HOMER1: variants seen among roughly 807,000 people sequenced by gnomAD.
The protein encoded by HOMER1 is homer scaffold protein 1.
A neutral mutation model predicts 48.9 loss-of-function variants in HOMER1; 3 were observed. That is an observed-to-expected ratio of 0.06 (90% confidence interval 0.03 to 0.16). The LOEUF (loss-of-function observed/expected upper bound fraction) is 0.16, where lower values mean the gene tolerates loss of function less well. Among genes scored for constraint, HOMER1 ranks in the 10% least tolerant of loss-of-function variants. HOMER1 has a pLI of 1.00. For synonymous variants in HOMER1, 134 were observed against 146.4 expected, an observed-to-expected ratio of 0.92 and a Z score of 0.61; for missense variants, 247 against 411.4, an observed-to-expected ratio of 0.60 and a Z score of 3.46.
At position 79,477,169 on chromosome 5, in the gene HOMER1, T is replaced by C. The variant is rs77328060; in HGVS notation, c.6-20151A>G. ...GCCAGGAACTGTGGACAAAAAACAA[T>C]AGATATATCATAGCATCATAGCAGT... On this transcript the variant is annotated intron_variant, in intron 1 of 8. Transcript: ENST00000334082. 1.2e-4 allele frequency among the ~76,000 whole-genome samples: 18 copies of C among 152,256 alleles called. No homozygotes were observed. The East Asian group carries it at 3.3e-3, about 28-fold the overall frequency.
At chr5:79,425,292 T>G (rs1750215735) in intron 5 of HOMER1, among the ~76,000 whole-genome samples, 1 of 151,866 alleles carries the variant, frequency 6.6e-6, no homozygotes, top group Non-Finnish European at 1.5e-5. Flanking sequence ...CTTTTCTGTC[T>G]CTCAAAAATA....
At chr5:79,454,904 C>A (rs549995922) in intron 2 of HOMER1, among the ~76,000 whole-genome samples, 1 of 152,206 alleles carries the variant, frequency 6.6e-6, no homozygotes, top group African/African-American at 2.4e-5. Context: ...TTCACAACAA[C>A]CCTATGGTGG....
At chr5:79,379,784 T>C (rs1216840473) in intron 8 of HOMER1, among the ~76,000 whole-genome samples, 1 of 151,938 alleles carries the variant, frequency 6.6e-6, no homozygotes, top group Non-Finnish European at 1.5e-5. Context: ...CTTCTGCTCA[T>C]TATCATTTTG....
rs527375015 is a variant in HOMER1 at position 79,447,482 on chromosome 5, G to A, written c.295-337C>T. ...GGGGAAAGAATCAGTAAACATAAGC[G>A]TACTGTGCTATGTTTATCATTGAGA... On this transcript the variant is annotated intron_variant, in intron 3 of 8. Coordinates refer to ENST00000334082, the MANE Select transcript of HOMER1 (RefSeq NM_004272.5). Among the ~76,000 whole-genome samples, 16 of 152,188 alleles carry A rather than the reference G, an allele frequency of 1.1e-4. 1 individual carries two copies. The highest frequency in any genetic ancestry group is 9.2e-4 in the Admixed American group (14 of 15,294).
intron 5 of HOMER1, among the ~76,000 whole-genome samples, chr5:79,430,479 T>G (rs1458157235): frequency 6.6e-6 from 1 of 152,160 alleles, no homozygotes; most frequent in Non-Finnish European, 1.5e-5. Context: ...AACATAGAAT[T>G]ACCACATAAC....
chr5:79,396,298 T>A (rs6898189), intron 8 of HOMER1, among the ~76,000 whole-genome samples: 45,546 of 133,908 alleles, frequency 0.34, 7,904 homozygotes, highest in African/African-American at 0.57. Flanking sequence ...CATTGTAAAA[T>A]AATAATAATA....
At chr5:79,393,768 T>C (rs1749310626) in intron 8 of HOMER1, among the ~76,000 whole-genome samples, 1 of 152,194 alleles carries the variant, frequency 6.6e-6, no homozygotes, top group Non-Finnish European at 1.5e-5. Context: ...GGAAACAACA[T>C]AAACTGCCAT....
At chr5:79,445,657 C>T (rs371304443) in intron 4 of HOMER1, among the ~76,000 whole-genome samples, 58 of 152,274 alleles carry the variant, frequency 3.8e-4, no homozygotes, top group Non-Finnish European at 7.4e-4. Context: ...CTGTGGCTAA[C>T]GCCTGTAATC....
At position 79,513,111 on chromosome 5, in the gene HOMER1, C is replaced by T. The variant is rs1471269334; in HGVS notation, c.-337G>A. The T allele has an allele frequency of 2.9e-6, 1 of 341,484 alleles. No homozygotes were observed. Among genetic ancestry groups the T allele is most frequent in the Non-Finnish European group, 5.4e-6 (1 of 186,234 alleles). The allele number at this position is 341,484 out of a possible 1,614,324, so 21.2% of individuals were successfully genotyped here. A position where few individuals can be genotyped will look rare whatever the true frequency, so the allele number is the denominator to read the frequency against. ...CACCGAGTCCTATAAAAAATGAGTT[C>T]GCTGGTCATTTCACTCATGTCCTCC... On this transcript the variant is annotated 5_prime_UTR_variant, in exon 1 of 9. Coordinates refer to ENST00000334082, the MANE Select transcript of HOMER1 (RefSeq NM_004272.5).
At chr5:79,492,515 C>A (rs1244762189) in intron 1 of HOMER1, among the ~76,000 whole-genome samples, 2 of 151,896 alleles carry the variant, frequency 1.3e-5, no homozygotes, top group African/African-American at 4.8e-5. Flanking sequence ...AAAAACCCAC[C>A]GTATTAAAGA....
intron 1 of HOMER1, 125 bp from the exon 2 acceptor site, chr5:79,457,143 G>T: frequency 1.1e-6 from 1 of 871,782 alleles, no homozygotes; most frequent in South Asian, 1.6e-5. Flanking sequence ...GAAAGTAAGA[G>T]AAACTTTCAA....
At position 79,375,367 on chromosome 5, in the gene HOMER1, C is replaced by T. The variant is rs896182732; in HGVS notation, c.*642G>A. 6.6e-6 allele frequency: 1 copy of T among 152,020 alleles called. No homozygotes were observed. Among genetic ancestry groups the T allele is most frequent in the African/African-American group, 2.4e-5 (1 of 41,426 alleles). The allele number at this position is 152,020 out of a possible 1,614,324, so 9.4% of individuals were successfully genotyped here. On this transcript the variant is annotated 3_prime_UTR_variant, in exon 9 of 9. Coordinates refer to ENST00000334082, the MANE Select transcript of HOMER1 (RefSeq NM_004272.5). ...CTATACAACAGACAAGATTAGAGAA[C>T]ACCAGAGTGTACCAGAGTAGTCACC... is the stretch of plus-strand genomic sequence containing the variant.
intron 5 of HOMER1, among the ~76,000 whole-genome samples, chr5:79,434,187 T>C (rs1205991593): frequency 6.6e-6 from 1 of 152,130 alleles, no homozygotes; most frequent in Non-Finnish European, 1.5e-5. Context: ...TTTATCTATA[T>C]TGTACCATAT....
At chr5:79,510,939 C>A in intron 1 of HOMER1, 1 of 545,518 alleles carries the variant, frequency 1.8e-6, no homozygotes, top group Non-Finnish European at 3.3e-6. Context: ...TGGTGCGACC[C>A]CCCGCCAGGC....
chr5:79,445,731 A>G (rs1750856766), intron 4 of HOMER1, among the ~76,000 whole-genome samples: 1 of 152,152 alleles, frequency 6.6e-6, no homozygotes, highest in Non-Finnish European at 1.5e-5. Context: ...CCTGGCCAAC[A>G]TGATAAAACA....
chr5:79,415,677 T>C (rs938289577), intron 5 of HOMER1, among the ~76,000 whole-genome samples: 2 of 152,240 alleles, frequency 1.3e-5, no homozygotes, highest in African/African-American at 4.8e-5. Flanking sequence ...AGTGAAACAC[T>C]ATTGACTTTT....
rs12651977 is a variant in HOMER1, at chr5:79,497,396, T to C, written c.5+15374A>G. ...TGGGTGCAGTGGCTCATGCCTGTAA[T>C]CCCAGCACTTTGGGAGGCTGAGGCG... is the stretch of plus-strand genomic sequence containing the variant. On this transcript the variant is annotated intron_variant, in intron 1 of 8. Coordinates refer to ENST00000334082, the MANE Select transcript of HOMER1 (RefSeq NM_004272.5). Among the ~76,000 whole-genome samples, 3,120 of 152,146 alleles carry C rather than the reference T, an allele frequency of 0.021. 146 individuals are homozygous for C. In the East Asian group the frequency reaches 0.22, roughly 11 times the overall value.
Position 79,488,840 on chromosome 5 carries a change from TAA to T in HOMER1, c.5+23928_5+23929del, listed in dbSNP as rs545787348. Reference sequence around the variant, plus strand: ...ATTTCACAGATGAGGAAAATGATGTTAAGTGACCTATTCAAGATCACACAGCC... The same window carrying T: ...ATTTCACAGATGAGGAAAATGATGTTGTGACCTATTCAAGATCACACAGCC... On this transcript the variant is annotated intron_variant, in intron 1 of 8. Coordinates refer to ENST00000334082, the MANE Select transcript of HOMER1 (RefSeq NM_004272.5). 2.0e-5 allele frequency among the ~76,000 whole-genome samples: 3 copies of T among 152,308 alleles called. No homozygotes were observed. The South Asian group carries it at 6.2e-4, about 32-fold the overall frequency.
At chr5:79,493,900 G>GCTC (rs1192142746) in intron 1 of HOMER1, among the ~76,000 whole-genome samples, 2 of 152,140 alleles carry the variant, frequency 1.3e-5, no homozygotes, top group Non-Finnish European at 2.9e-5. Context: ...TCTAGTGTCT[G>GCTC]CTCCTCATCC....
Sources: allele counts gnomAD v4.1 joint callset (sites outside exome capture counted in the v4.1 genomes callset), GRCh38; gene constraint gnomAD v4.1.1; transcripts MANE v1.5; gene names NCBI Gene and HGNC (gene_info 2026-07-23, HGNC 2026-07-21).